Variants in EPHA7 observed in about 807,000 individuals in gnomAD.
EPHA7 encodes the protein ephrin type-A receptor 7.
EPHA7 carries 25 observed loss-of-function variants against 112.6 expected under a neutral mutation model. That is an observed-to-expected ratio of 0.22 (90% CI 0.16 to 0.31). The LOEUF (loss-of-function observed/expected upper bound fraction) is 0.31, where lower values mean the gene tolerates loss of function less well. Among genes scored for constraint, EPHA7 ranks in the 10% least tolerant of loss-of-function variants. The pLI is 1.00. For missense variants in EPHA7, 962 were observed against 1,212.6 expected (o/e 0.79, Z 3.07); for synonymous variants, 437 against 406.5 (o/e 1.07, Z -0.90).
chr6:93,418,717 C>T (rs1306895902), intron 1 of EPHA7, among the ~76,000 whole-genome samples: 1 of 152,202 alleles, frequency 6.6e-6, no homozygotes, highest in African/African-American at 2.4e-5. Flanking sequence ...GTGAGCACTT[C>T]ATTAGTAACC....
intron 5 of EPHA7, among the ~76,000 whole-genome samples, chr6:93,315,930 C>T (rs1773785608): frequency 6.6e-6 from 1 of 152,036 alleles, no homozygotes. Context: ...GAATATGCAC[C>T]CTAAACTATA....
At chr6:93,306,004 TA>T (rs1773238886) in intron 5 of EPHA7, among the ~76,000 whole-genome samples, 1 of 151,928 alleles carries the variant, frequency 6.6e-6, no homozygotes, top group Non-Finnish European at 1.5e-5. Flanking sequence ...TATTTTGGTC[TA>T]AAAAGCAGAA....
At chr6:93,260,103 A>T (rs1770619165) in intron 9 of EPHA7, among the ~76,000 whole-genome samples, 1 of 151,964 alleles carries the variant, frequency 6.6e-6, no homozygotes, top group Admixed American at 6.6e-5. Flanking sequence ...AATAGAGGCC[A>T]GATATACAAA....
chr6:93,258,705 T>C (rs1770556769), intron 10 of EPHA7, among the ~76,000 whole-genome samples: 1 of 149,050 alleles, frequency 6.7e-6, no homozygotes, highest in Non-Finnish European at 1.5e-5. Context: ...GTATATTACC[T>C]AGACTACCTA....
Position 93,410,422 on chromosome 6 carries a change from A to G in EPHA7, c.832+79T>C. 1 of 1,322,514 alleles carries G rather than the reference A, an allele frequency of 7.6e-7. No individual in the cohort carries two copies. Among genetic ancestry groups the G allele is most frequent in the Non-Finnish European group, 1.0e-6 (1 of 956,076 alleles). The allele number at this position is 1,322,514 out of a possible 1,614,324, so 81.9% of individuals were successfully genotyped here. ...GGTACAGAGCAGATTCACGTATTCA[A>G]ATAACTATTAAAGTTTAAAATGTCT... On this transcript the variant is annotated intron_variant, in intron 3 of 16. Coordinates refer to ENST00000369303, the MANE Select transcript of EPHA7 (RefSeq NM_004440.4). This position sits in a 1 kb window ranked among gnomAD's most constrained non-coding sequence, Gnocchi z 4.0.
At chr6:93,389,759 T>TA (rs1056149871) in intron 3 of EPHA7, among the ~76,000 whole-genome samples, 8 of 151,902 alleles carry the variant, frequency 5.3e-5, no homozygotes, top group African/African-American at 1.4e-4. Context: ...AAAGTTTTCT[T>TA]AAAAAAATGA....
chr6:93,274,656 C>G (rs1307467920), intron 5 of EPHA7, among the ~76,000 whole-genome samples: 2 of 151,710 alleles, frequency 1.3e-5, no homozygotes, highest in Non-Finnish European at 2.9e-5. Flanking sequence ...CTTGCTGATA[C>G]TATATCAAGT....
intron 9 of EPHA7, 109 bp downstream of exon 9, chr6:93,263,751 T>G: frequency 1.5e-6 from 1 of 688,122 alleles, no homozygotes; most frequent in Non-Finnish European, 2.4e-6. Flanking sequence ...TTTGAGCTCA[T>G]GGTATAATTT....
At chr6:93,262,809 C>T (rs537715312) in intron 9 of EPHA7, among the ~76,000 whole-genome samples, 1 of 151,198 alleles carries the variant, frequency 6.6e-6, no homozygotes, top group Non-Finnish European at 1.5e-5. Flanking sequence ...ATTTAAACCA[C>T]ACATTGTCAT....
At chr6:93,277,376 T>G (rs574811429) in intron 5 of EPHA7, among the ~76,000 whole-genome samples, 1 of 152,152 alleles carries the variant, frequency 6.6e-6, no homozygotes, top group Admixed American at 6.6e-5. Context: ...TTCTAGAGTA[T>G]GTAGACATAC....
chr6:93,405,831 AT>A, intron 3 of EPHA7, among the ~76,000 whole-genome samples: 1 of 126,822 alleles, frequency 7.9e-6, no homozygotes, highest in South Asian at 2.6e-4. Flanking sequence ...ATATATATAT[AT>A]ATATATATAT....
At chr6:93,320,108 T>C (rs888417850) in intron 5 of EPHA7, among the ~76,000 whole-genome samples, 20 of 152,030 alleles carry the variant, frequency 1.3e-4, no homozygotes, top group African/African-American at 4.8e-4. Flanking sequence ...TGTGCTAGTA[T>C]TAATGGGCTG....
In EPHA7 at chr6:93,264,668, A is replaced by G. The variant is rs1158099917; in HGVS notation, c.1668T>C (p.Ile556=). The G allele has an allele frequency of 1.2e-6, 2 of 1,606,972 alleles. No individual in the cohort carries two copies. The highest frequency in any genetic ancestry group is 1.7e-6 in the Non-Finnish European group (2 of 1,175,502). Reference sequence around the variant, plus strand: ...CAGCTACAGCAACCACAGCAATGATAATAACAGGATTCTGTTCACTGGAGA... The same window carrying G: ...CAGCTACAGCAACCACAGCAATGATGATAACAGGATTCTGTTCACTGGAGA... The part of the protein sequence containing the change: ...TAVSSEQNPV[I]IIAVVAVAGT... The change falls in exon 8 of 17, where the codon ATT becomes ATC. Residue 556 remains isoleucine, a synonymous_variant. Transcript: ENST00000369303.
At chr6:93,347,774 T>A (rs1246810061) in intron 5 of EPHA7, among the ~76,000 whole-genome samples, 1 of 151,722 alleles carries the variant, frequency 6.6e-6, no homozygotes, top group African/African-American at 2.4e-5. Context: ...TCTCAGTGTG[T>A]GTGGAGGAAA....
At chr6:93,320,039 A>AGAAAG (rs1294728983) in intron 5 of EPHA7, among the ~76,000 whole-genome samples, 1 of 152,036 alleles carries the variant, frequency 6.6e-6, no homozygotes, top group East Asian at 1.9e-4. Context: ...TATTATAATA[A>AGAAAG]GAAAGTATGA....
chr6:93,337,477 T>C (rs1027849431), intron 5 of EPHA7, among the ~76,000 whole-genome samples: 44 of 152,286 alleles, frequency 2.9e-4, no homozygotes, highest in African/African-American at 1.0e-3. Flanking sequence ...TTGGGCATTG[T>C]GCTGTATTTT....
chr6:93,344,399 A>G (rs529611281), intron 5 of EPHA7, among the ~76,000 whole-genome samples: 1 of 151,764 alleles, frequency 6.6e-6, no homozygotes, highest in African/African-American at 2.4e-5. Context: ...AAACAAGGAG[A>G]AAACAAGGTT....
intron 5 of EPHA7, among the ~76,000 whole-genome samples, chr6:93,310,216 T>C (rs535640632): frequency 1.1e-4 from 16 of 152,326 alleles, no homozygotes; most frequent in African/African-American, 3.6e-4. Flanking sequence ...ATGACTTCAA[T>C]GGAGAAAGTT....
intron 5 of EPHA7, 147 bp downstream of exon 5, chr6:93,356,570 C>T: frequency 1.4e-6 from 1 of 731,286 alleles, no homozygotes; most frequent in African/African-American, 1.8e-5. Flanking sequence ...AATGGTGTAA[C>T]AAGCAACAGG....
Sources: gnomAD v4.1 joint callset for allele counts (sites outside exome capture counted in the v4.1 genomes callset) on GRCh38, gnomAD v4.1.1 for gene constraint, Gnocchi (gnomAD v3.1) non-coding constraint, MANE v1.5 for transcripts, NCBI Gene and HGNC (gene_info 2026-07-23, HGNC 2026-07-21) for gene names.